Variants in DNER observed in about 807,000 individuals in gnomAD.
DNER encodes the protein delta/notch like EGF repeat containing.
DNER carries 33 observed loss-of-function variants against 78.2 expected under a neutral mutation model. The ratio of observed to expected loss-of-function variants is 0.42; its 90% CI spans 0.32 to 0.56. The LOEUF is 0.56. Ranked by LOEUF, DNER falls within the 20% of genes least tolerant of loss-of-function variation. The pLI is 0.11. For missense variants in DNER, 918 were observed against 975.3 expected, an observed-to-expected ratio of 0.94 and a Z score of 0.78; for synonymous variants, 417 against 384.8, an observed-to-expected ratio of 1.08 and a Z score of -0.98.
intron 1 of DNER, among the ~76,000 whole-genome samples, chr2:229,686,325 A>G (rs1699482286): frequency 6.6e-6 from 1 of 151,904 alleles, no homozygotes; most frequent in Admixed American, 6.6e-5. Context: ...CACCACTGCC[A>G]CCCAGTCAAC....
intron 6 of DNER, among the ~76,000 whole-genome samples, chr2:229,493,976 C>T (rs940269543): frequency 6.6e-6 from 1 of 152,174 alleles, no homozygotes; most frequent in Non-Finnish European, 1.5e-5. Context: ...CAGGTTTGTA[C>T]CTGACTCTGG....
At chr2:229,485,068 T>C (rs2193905) in intron 6 of DNER, among the ~76,000 whole-genome samples, 41,573 of 152,148 alleles carry the variant, frequency 0.27, 5,851 homozygotes, top group South Asian at 0.33. Context: ...CAAAAACAGA[T>C]GACTATTGAA....
intron 1 of DNER, among the ~76,000 whole-genome samples, chr2:229,654,344 G>T (rs1484303550): frequency 6.6e-6 from 1 of 152,178 alleles, no homozygotes; most frequent in Non-Finnish European, 1.5e-5. Flanking sequence ...AAAGACACAT[G>T]CACAGGTATG....
intron 10 of DNER, among the ~76,000 whole-genome samples, chr2:229,393,840 CCGTCTCAAAACA>C (rs1481253844): frequency 1.3e-5 from 2 of 151,746 alleles, no homozygotes; most frequent in African/African-American, 4.9e-5. Context: ...GAGCGAGACT[CCGTCTCAAAACA>C]AAAACAAAAA....
At chr2:229,378,219 T>C (rs1397157864) in intron 11 of DNER, among the ~76,000 whole-genome samples, 1 of 152,108 alleles carries the variant, frequency 6.6e-6, no homozygotes, top group Non-Finnish European at 1.5e-5. Flanking sequence ...TGAGGCCCAT[T>C]TTGCACTTTT....
At chr2:229,552,140 G>A (rs994259428) in intron 4 of DNER, among the ~76,000 whole-genome samples, 1 of 152,158 alleles carries the variant, frequency 6.6e-6, no homozygotes, top group African/African-American at 2.4e-5. Flanking sequence ...GCTGTGAAGA[G>A]CCTCTACCTT....
chr2:229,524,002 A>G (rs948347164), intron 5 of DNER, among the ~76,000 whole-genome samples: 13 of 152,226 alleles, frequency 8.5e-5, no homozygotes, highest in Admixed American at 6.5e-4. Context: ...TGCAAAATGC[A>G]GTTATCCTCA....
intron 5 of DNER, among the ~76,000 whole-genome samples, chr2:229,537,208 C>A (rs1696419804): frequency 6.6e-6 from 1 of 152,114 alleles, no homozygotes; most frequent in Admixed American, 6.5e-5. Context: ...ACCAAAATGC[C>A]ATAAGGTCAA....
intron 8 of DNER, among the ~76,000 whole-genome samples, chr2:229,434,932 A>G (rs1043035091): frequency 1.3e-5 from 2 of 151,260 alleles, no homozygotes; most frequent in Non-Finnish European, 2.9e-5. Flanking sequence ...ATATACACAC[A>G]CACACACACA....
At position 229,357,937 on chromosome 2, in the gene DNER, G is replaced by A. The variant is rs1246488743; in HGVS notation, c.*603C>T. 1 of 152,552 alleles carries A rather than the reference G, an allele frequency of 6.6e-6. No individual in the cohort carries two copies. The highest frequency in any genetic ancestry group is 1.9e-4 in the East Asian group (1 of 5,198). The allele number at this position is 152,552 out of a possible 1,614,324, so 9.4% of individuals were successfully genotyped here. A position where few individuals can be genotyped will look rare whatever the true frequency, so the allele number is the denominator to read the frequency against. On this transcript the variant is annotated 3_prime_UTR_variant, in exon 13 of 13. Transcript: ENST00000341772. Reference sequence around the variant, plus strand: ...TACGTATGTTTTTGAGGCCTAGTTCGACGACTGTTACGAAAATGACAAAAA... The same window carrying A: ...TACGTATGTTTTTGAGGCCTAGTTCAACGACTGTTACGAAAATGACAAAAA...
At chr2:229,501,752 T>C (rs1695628097) in intron 6 of DNER, among the ~76,000 whole-genome samples, 1 of 152,200 alleles carries the variant, frequency 6.6e-6, no homozygotes, top group East Asian at 1.9e-4. Context: ...CTCCCCTCTG[T>C]TTGAAGGTTT....
chr2:229,670,989 A>T (rs1019901614), intron 1 of DNER, among the ~76,000 whole-genome samples: 2 of 152,168 alleles, frequency 1.3e-5, no homozygotes, highest in African/African-American at 4.8e-5. Flanking sequence ...GACTGCAGGG[A>T]GGGGGAATTT....
rs536824764 is a variant in DNER, at chr2:229,487,848, G to A, written c.1148-10595C>T. Among the ~76,000 whole-genome samples, 12 of 152,334 alleles carry A rather than the reference G, an allele frequency of 7.9e-5. No homozygotes were observed. The South Asian group carries it at 2.5e-3, about 32-fold the overall frequency. The stretch of plus-strand genomic sequence containing the variant: ...ATACTGAGTAAATGAGCAGGAGAAT[G>A]GTCCCAAGGCAGGCACATGTGCATG... On this transcript the variant is annotated intron_variant, in intron 6 of 12. Coordinates refer to ENST00000341772, the MANE Select transcript of DNER (RefSeq NM_139072.4).
rs933355383 is a variant in DNER at position 229,427,481 on chromosome 2, G to T, written c.1487-9251C>A. Among the ~76,000 whole-genome samples the T allele has an allele frequency of 3.9e-5, 6 of 152,254 alleles. No homozygotes were observed. In the East Asian group the frequency reaches 1.2e-3, roughly 29 times the overall value. Reference sequence around the variant, plus strand: ...GCCTTTACTGGGGCGCTTATGAGGGGAAAAACATCAATCAATCATTCAAGT... The same window carrying T: ...GCCTTTACTGGGGCGCTTATGAGGGTAAAAACATCAATCAATCATTCAAGT... On this transcript the variant is annotated intron_variant, in intron 8 of 12. Transcript: ENST00000341772.
intron 7 of DNER, among the ~76,000 whole-genome samples, chr2:229,455,605 A>C (rs1261858525): frequency 6.6e-6 from 1 of 152,022 alleles, no homozygotes; most frequent in East Asian, 1.9e-4. Flanking sequence ...TAAACACACG[A>C]ACAGTTACTG....
At chr2:229,419,244 C>T (rs1181894067) in intron 8 of DNER, among the ~76,000 whole-genome samples, 1 of 152,152 alleles carries the variant, frequency 6.6e-6, no homozygotes, top group Non-Finnish European at 1.5e-5. Flanking sequence ...AAGAAGACAA[C>T]ATTCTTTGAG....
chr2:229,446,100 T>A (rs1354283825), intron 8 of DNER, among the ~76,000 whole-genome samples: 1 of 152,190 alleles, frequency 6.6e-6, no homozygotes, highest in Non-Finnish European at 1.5e-5. Context: ...TCAGCCCCCA[T>A]TCTGGGTGTG....
intron 1 of DNER, among the ~76,000 whole-genome samples, chr2:229,687,271 T>TC (rs1304384130): frequency 1.3e-5 from 2 of 150,424 alleles, no homozygotes; most frequent in East Asian, 3.9e-4. Context: ...TTCTTTTTTT[T>TC]TTTTTTTTTT....
At chr2:229,655,883 C>A (rs914796403) in intron 1 of DNER, among the ~76,000 whole-genome samples, 1 of 151,932 alleles carries the variant, frequency 6.6e-6, no homozygotes, top group Non-Finnish European at 1.5e-5. Flanking sequence ...GAAAGAAGGC[C>A]GTGTAAAGAC....
Sources: allele counts gnomAD v4.1 joint callset (sites outside exome capture counted in the v4.1 genomes callset), GRCh38; gene constraint gnomAD v4.1.1; transcripts MANE v1.5; gene names NCBI Gene and HGNC (gene_info 2026-07-23, HGNC 2026-07-21).